FOCAD: variants seen among roughly 807,000 people sequenced by gnomAD.
The protein encoded by FOCAD is focadhesin.
A neutral mutation model predicts 225.6 loss-of-function variants in FOCAD; 198 were observed. The ratio of observed to expected loss-of-function variants is 0.88; its 90% confidence interval spans 0.78 to 0.99. The LOEUF is 0.99. Among genes scored for constraint, FOCAD ranks in the 50% least tolerant of loss-of-function variants. The pLI is 0.00. For synonymous variants in FOCAD, 897 were observed against 755.0 expected, an observed-to-expected ratio of 1.19 and a Z score of -3.08; for missense variants, 2,713 against 2,123.6, an observed-to-expected ratio of 1.28 and a Z score of -5.46.
intron 15 of FOCAD, among the ~76,000 whole-genome samples, chr9:20,861,778 A>G (rs991022127): frequency 2.8e-4 from 43 of 152,200 alleles, no homozygotes; most frequent in Non-Finnish European, 3.4e-4. Context: ...ATTAAAGACT[A>G]TCTAATTGAT....
intron 21 of FOCAD, among the ~76,000 whole-genome samples, chr9:20,886,542 G>A (rs932737560): frequency 6.6e-6 from 1 of 152,174 alleles, no homozygotes; most frequent in Non-Finnish European, 1.5e-5. Flanking sequence ...ATAACTTTTG[G>A]CAGTGGCATC....
intron 22 of FOCAD, among the ~76,000 whole-genome samples, chr9:20,911,528 C>A (rs1312120689): frequency 6.6e-6 from 1 of 152,082 alleles, no homozygotes; most frequent in Admixed American, 6.6e-5. Flanking sequence ...TAGATAAATT[C>A]ATGAAAGACG....
chr9:20,959,778 A>G (rs1004033476), intron 35 of FOCAD, among the ~76,000 whole-genome samples: 3 of 152,150 alleles, frequency 2.0e-5, no homozygotes, highest in African/African-American at 7.2e-5. Context: ...AGCATCATAT[A>G]TTGAACAGAC....
chr9:20,974,707 T>G (rs1840080819), intron 35 of FOCAD, among the ~76,000 whole-genome samples: 1 of 148,882 alleles, frequency 6.7e-6, no homozygotes, highest in Admixed American at 6.7e-5. Context: ...CTGCTTCTCC[T>G]TTTTCCTATG....
At chr9:20,813,556 G>T (rs1823316997) in intron 11 of FOCAD, among the ~76,000 whole-genome samples, 2 of 152,124 alleles carry the variant, frequency 1.3e-5, no homozygotes, top group Non-Finnish European at 2.9e-5. Context: ...CAGGTATGAG[G>T]TGACATCTCA....
intron 6 of FOCAD, 145 bp downstream of exon 6, chr9:20,758,336 A>G: frequency 2.3e-6 from 1 of 433,124 alleles, no homozygotes; most frequent in Non-Finnish European, 4.1e-6. Context: ...ATCCTAGAGC[A>G]GGTTGTAGTT....
rs559940317 is a variant in FOCAD, at chr9:20,771,969, C to G, written c.906+1731C>G. Among the ~76,000 whole-genome samples, 3 of 152,268 alleles carry G rather than the reference C, an allele frequency of 2.0e-5. No individual in the cohort carries two copies. The East Asian group carries it at 5.8e-4, about 29-fold the overall frequency. ...CCCCACCCTGATGACCTCACTTAAC[C>G]TTAATGACTTCCTTACTCCAAATAC... On this transcript the variant is annotated intron_variant, in intron 8 of 43. Transcript: ENST00000338382.
intron 15 of FOCAD, among the ~76,000 whole-genome samples, chr9:20,824,236 T>G (rs1433144735): frequency 6.6e-6 from 1 of 152,134 alleles, no homozygotes; most frequent in East Asian, 1.9e-4. Context: ...AATATCTCTT[T>G]AATAGTTATA....
At chr9:20,760,869 G>C (rs1485667733) in intron 6 of FOCAD, among the ~76,000 whole-genome samples, 1 of 152,118 alleles carries the variant, frequency 6.6e-6, no homozygotes, top group Non-Finnish European at 1.5e-5. Flanking sequence ...CTGCACTTCA[G>C]CCTGGGTGAC....
intron 4 of FOCAD, among the ~76,000 whole-genome samples, chr9:20,735,057 A>G (rs946580216): frequency 6.6e-6 from 1 of 152,218 alleles, no homozygotes; most frequent in African/African-American, 2.4e-5. Context: ...TATCAACATG[A>G]AAGTGCTTAC....
At chr9:20,756,731 A>C (rs1168711255) in intron 5 of FOCAD, among the ~76,000 whole-genome samples, 1 of 152,224 alleles carries the variant, frequency 6.6e-6, no homozygotes, top group Non-Finnish European at 1.5e-5. Flanking sequence ...CTTACTAGTA[A>C]GGCATCACAT....
At chr9:20,774,162 A>G (rs893834328) in intron 8 of FOCAD, among the ~76,000 whole-genome samples, 1 of 152,182 alleles carries the variant, frequency 6.6e-6, no homozygotes, top group South Asian at 2.1e-4. Context: ...GTGTGTGGAA[A>G]AATTATCTTC....
upstream of FOCAD, among the ~76,000 whole-genome samples, chr9:20,680,896 A>T (rs146628252): frequency 6.6e-6 from 1 of 152,254 alleles, no homozygotes; most frequent in East Asian, 1.9e-4. Context: ...CTACTTGGAA[A>T]GCTGAGGTGG....
chr9:20,778,089 CAAAAAAAAA>C (rs1184354592), intron 8 of FOCAD, among the ~76,000 whole-genome samples: 4 of 84,186 alleles, frequency 4.8e-5, no homozygotes, highest in Admixed American at 1.3e-4. Flanking sequence ...GACTCCGTCT[CAAAAAAAAA>C]AAAAAAAAAA....
At chr9:20,806,546 A>G (rs1373236036) in intron 11 of FOCAD, among the ~76,000 whole-genome samples, 1 of 152,178 alleles carries the variant, frequency 6.6e-6, no homozygotes, top group East Asian at 1.9e-4. Flanking sequence ...TAGATCAAAT[A>G]ATGAATCTAA....
chr9:20,694,134 A>G (rs1251883888), intron 1 of FOCAD, among the ~76,000 whole-genome samples: 1 of 152,214 alleles, frequency 6.6e-6, no homozygotes, highest in Admixed American at 6.5e-5. Context: ...CTTGATACTT[A>G]ATAGCAACCT....
intron 15 of FOCAD, among the ~76,000 whole-genome samples, chr9:20,840,780 G>A (rs1397845489): frequency 2.6e-5 from 4 of 151,872 alleles, no homozygotes; most frequent in Admixed American, 6.6e-5. Context: ...GTGAAAATGG[G>A]CATCCTTAGT....
intron 15 of FOCAD, among the ~76,000 whole-genome samples, chr9:20,845,610 ATC>A (rs1218892670): frequency 6.6e-6 from 1 of 151,810 alleles, no homozygotes; most frequent in Non-Finnish European, 1.5e-5. Flanking sequence ...TGTAGCACAT[ATC>A]TCTGATTATT....
At chr9:20,920,073 G>A (rs1391118631) in intron 24 of FOCAD, among the ~76,000 whole-genome samples, 2 of 152,000 alleles carry the variant, frequency 1.3e-5, no homozygotes, top group African/African-American at 4.8e-5. Flanking sequence ...TCTGACAAAG[G>A]GCTAATATCC....
Sources: gnomAD v4.1 joint callset for allele counts (sites outside exome capture counted in the v4.1 genomes callset) on GRCh38, gnomAD v4.1.1 for gene constraint, MANE v1.5 for transcripts, NCBI Gene and HGNC (gene_info 2026-07-23, HGNC 2026-07-21) for gene names.